The following RGS21 variants were observed in gnomAD, a reference collection of about 807,000 sequenced individuals.
The protein encoded by RGS21 is regulator of G protein signaling 21.
A neutral mutation model predicts 18.7 loss-of-function variants in RGS21; 19 were observed. The observed-to-expected ratio is 1.01, with a 90% CI of 0.71 to 1.49. The LOEUF (loss-of-function observed/expected upper bound fraction) is 1.49, where lower values mean the gene tolerates loss of function less well. Ranked by LOEUF, RGS21 falls within the 40% of genes most tolerant of loss-of-function variation. The probability of loss-of-function intolerance (pLI) is 0.00; values close to 1 mark genes in which losing one functional copy is unlikely to be tolerated. For synonymous variants in RGS21, 56 were observed against 57.8 expected, an observed-to-expected ratio of 0.97 and a Z score of 0.14; for missense variants, 194 against 176.8, an observed-to-expected ratio of 1.10 and a Z score of -0.55.
chr1:192,364,505 C>T (rs1443652648), intron 4 of RGS21, among the ~76,000 whole-genome samples: 1 of 152,054 alleles, frequency 6.6e-6, no homozygotes, highest in Non-Finnish European at 1.5e-5. Context: ...CTCTTTCACA[C>T]TATGGAAATT....
At chr1:192,348,180 G>A (rs116662278) in intron 3 of RGS21, among the ~76,000 whole-genome samples, 1,588 of 151,346 alleles carry the variant, frequency 0.01, 30 homozygotes, top group African/African-American at 0.035. Flanking sequence ...AGCATGCCAC[G>A]ACACCAAGCT....
chr1:192,329,912 T>C (rs1380539713), intron 1 of RGS21, among the ~76,000 whole-genome samples: 3 of 152,198 alleles, frequency 2.0e-5, no homozygotes, highest in African/African-American at 7.2e-5. Context: ...AAATTTCATC[T>C]TTTATACTTG....
Position 192,366,498 on chromosome 1 carries a change from T to A in RGS21, c.*374T>A, listed in dbSNP as rs1659261490. The A allele has an allele frequency of 1.3e-5, 2 of 152,764 alleles. No individual in the cohort carries two copies. The highest frequency in any genetic ancestry group is 2.9e-5 in the Non-Finnish European group (2 of 68,480). The allele number at this position is 152,764 out of a possible 1,614,324, so 9.5% of individuals were successfully genotyped here. On this transcript the variant is annotated 3_prime_UTR_variant, in exon 5 of 5. Coordinates refer to ENST00000417209, the MANE Select transcript of RGS21 (RefSeq NM_001039152.3). The stretch of plus-strand genomic sequence containing the variant: ...AATACCATTGCTTTATTCAAAAAAA[T>A]CTCACTTTTGTAAAAAGAGAATTTC...
intron 4 of RGS21, among the ~76,000 whole-genome samples, chr1:192,352,494 G>A (rs1331512390): frequency 3.3e-5 from 5 of 151,912 alleles, no homozygotes; most frequent in Non-Finnish European, 5.9e-5. Flanking sequence ...ATCTCAAACA[G>A]TGCTAAAATC....
intron 1 of RGS21, among the ~76,000 whole-genome samples, chr1:192,321,997 T>C (rs1334050249): frequency 6.6e-6 from 1 of 152,134 alleles, no homozygotes; most frequent in Non-Finnish European, 1.5e-5. Flanking sequence ...TTGATGCAGA[T>C]TTTTCTTATA....
At chr1:192,346,551 T>C (rs1403841077) in intron 2 of RGS21, among the ~76,000 whole-genome samples, 1 of 152,128 alleles carries the variant, frequency 6.6e-6, no homozygotes, top group Non-Finnish European at 1.5e-5. Flanking sequence ...CATCAGGATC[T>C]TTGTTTATTA....
chr1:192,321,715 C>A (rs1326732859), intron 1 of RGS21, among the ~76,000 whole-genome samples: 1 of 151,760 alleles, frequency 6.6e-6, no homozygotes, highest in Non-Finnish European at 1.5e-5. Context: ...TAGTATAAAT[C>A]AAATTATTTT....
chr1:192,341,324 A>G (rs1478236021), intron 1 of RGS21, among the ~76,000 whole-genome samples: 1 of 152,088 alleles, frequency 6.6e-6, no homozygotes, highest in African/African-American at 2.4e-5. Context: ...GGACACAGAC[A>G]TCTTTTCAGG....
intron 4 of RGS21, among the ~76,000 whole-genome samples, chr1:192,355,770 A>G (rs948303060): frequency 6.6e-6 from 1 of 151,262 alleles, no homozygotes; most frequent in Admixed American, 6.6e-5. Flanking sequence ...AATATTTGAA[A>G]AATAATAATA....
At chr1:192,357,594 C>A (rs1268806723) in intron 4 of RGS21, among the ~76,000 whole-genome samples, 1 of 151,806 alleles carries the variant, frequency 6.6e-6, no homozygotes, top group Non-Finnish European at 1.5e-5. Flanking sequence ...AAATGATGAG[C>A]CCTGCAGTCA....
intron 1 of RGS21, among the ~76,000 whole-genome samples, chr1:192,319,929 G>A (rs1405341670): frequency 6.6e-6 from 1 of 152,056 alleles, no homozygotes; most frequent in Admixed American, 6.6e-5. Context: ...AGCTGAAGAA[G>A]GATACTCAAT....
chr1:192,325,420 G>T (rs757855337), intron 1 of RGS21, among the ~76,000 whole-genome samples: 1 of 152,024 alleles, frequency 6.6e-6, no homozygotes, highest in Admixed American at 6.6e-5. Flanking sequence ...GAATATATGA[G>T]TGCATGTGTC....
chr1:192,345,580 C>A (rs180975985), intron 2 of RGS21, among the ~76,000 whole-genome samples: 2 of 151,996 alleles, frequency 1.3e-5, no homozygotes, highest in African/African-American at 2.4e-5. Context: ...GACTTACATA[C>A]TAATGGGAAT....
intron 3 of RGS21, among the ~76,000 whole-genome samples, chr1:192,351,056 T>C (rs1253144791): frequency 6.6e-6 from 1 of 152,116 alleles, no homozygotes. Flanking sequence ...TAAACATGCC[T>C]GTGAATAAGT....
intron 4 of RGS21, among the ~76,000 whole-genome samples, chr1:192,356,786 T>A (rs940122388): frequency 4.0e-5 from 6 of 151,786 alleles, no homozygotes. Context: ...ACTTCCTCTA[T>A]ATGTTGATGT....
chr1:192,366,333 G>A lies in RGS21; in HGVS notation c.*209G>A. On this transcript the variant is annotated 3_prime_UTR_variant, in exon 5 of 5. Coordinates refer to ENST00000417209, the MANE Select transcript of RGS21 (RefSeq NM_001039152.3). ...ACCAGCTATTTAATCTCCTACTGGGGGAGTACAAAGAAAGTTTATAGAGAT... is the reference window on the plus strand; with the variant it reads ...ACCAGCTATTTAATCTCCTACTGGGAGAGTACAAAGAAAGTTTATAGAGAT... 2.1e-6 allele frequency: 1 copy of A among 472,556 alleles called. No individual in the cohort carries two copies. The highest frequency in any genetic ancestry group is 3.7e-6 in the Non-Finnish European group (1 of 267,444). The allele number at this position is 472,556 out of a possible 1,614,324, so 29.3% of individuals were successfully genotyped here. A position where few individuals can be genotyped will look rare whatever the true frequency, so the allele number is the denominator to read the frequency against.
chr1:192,352,618 T>C (rs1659060380), intron 4 of RGS21, among the ~76,000 whole-genome samples: 1 of 152,088 alleles, frequency 6.6e-6, no homozygotes, highest in Non-Finnish European at 1.5e-5. Flanking sequence ...TTCTTGAATA[T>C]TTAAAAACAA....
intron 4 of RGS21, among the ~76,000 whole-genome samples, chr1:192,364,028 C>T (rs1189882005): frequency 6.6e-6 from 1 of 152,048 alleles, no homozygotes; most frequent in Non-Finnish European, 1.5e-5. Flanking sequence ...TGCTTTAATT[C>T]TTATATCACT....
intron 4 of RGS21, among the ~76,000 whole-genome samples, chr1:192,359,107 G>A (rs1369259717): frequency 6.6e-6 from 1 of 152,056 alleles, no homozygotes; most frequent in African/African-American, 2.4e-5. Flanking sequence ...GATTGGCAGT[G>A]TAGTGGTTTC....
Sources: gnomAD v4.1 joint callset for allele counts (sites outside exome capture counted in the v4.1 genomes callset) on GRCh38, gnomAD v4.1.1 for gene constraint, MANE v1.5 for transcripts, NCBI Gene and HGNC (gene_info 2026-07-23, HGNC 2026-07-21) for gene names.